Variants in DCN observed in about 807,000 individuals in gnomAD.
DCN encodes the protein bone proteoglycan II.
In DCN, 17 loss-of-function variants were observed where a neutral mutation model predicts 36.5. That is an observed-to-expected ratio of 0.47 (90% CI 0.32 to 0.70). The LOEUF is 0.70. Among genes scored for constraint, DCN ranks in the 30% least tolerant of loss-of-function variants. The probability of loss-of-function intolerance (pLI) is 0.04; values close to 1 mark genes in which losing one functional copy is unlikely to be tolerated. For missense variants in DCN, 389 were observed against 430.1 expected, an observed-to-expected ratio of 0.90 and a Z score of 0.84; for synonymous variants, 163 against 161.4, an observed-to-expected ratio of 1.01 and a Z score of -0.07.
Position 91,146,269 on chromosome 12 carries a change from T to C in DCN, c.886-17A>G, listed in dbSNP as rs762934349. The C allele has an allele frequency of 8.1e-6, 12 of 1,488,176 alleles. No individual in the cohort carries two copies. The African/African-American group carries it at 8.3e-5, about 10-fold the overall frequency. 92.2% of individuals were successfully genotyped at this position (1,488,176 alleles called of 1,614,324 possible). On this transcript the variant is annotated splice_polypyrimidine_tract_variant and intron_variant, in intron 7 of 7. Transcript: ENST00000052754. ...GTAGACAACCTACAACATGAAACGATAGAAAATAATTATTATTCTCTAAAT... is the reference window on the plus strand; with the variant it reads ...GTAGACAACCTACAACATGAAACGACAGAAAATAATTATTATTCTCTAAAT...
At chr12:91,160,208 G>GAGCCA (rs1882072847) in intron 3 of DCN, among the ~76,000 whole-genome samples, 1 of 152,128 alleles carries the variant, frequency 6.6e-6, no homozygotes, top group African/African-American at 2.4e-5. Flanking sequence ...GGAAAAGCCA[G>GAGCCA]AGCCAGCTGA....
At chr12:91,161,604 C>T (rs934680633) in intron 3 of DCN, among the ~76,000 whole-genome samples, 1 of 152,164 alleles carries the variant, frequency 6.6e-6, no homozygotes, top group African/African-American at 2.4e-5. Flanking sequence ...AGGTTCTCAT[C>T]AGCGGAAAGA....
Position 91,141,856 on chromosome 12 carries a change from G to C in DCN, c.*4202C>G, listed in dbSNP as rs1184650236. 1.3e-5 allele frequency: 2 copies of C among 152,114 alleles called. No homozygotes were observed. Among genetic ancestry groups the C allele is most frequent in the Admixed American group, 1.3e-4 (2 of 15,264 alleles). 9.4% of individuals were successfully genotyped at this position (152,114 alleles called of 1,614,324 possible). A position where few individuals can be genotyped will look rare whatever the true frequency, so the allele number is the denominator to read the frequency against. ...TTGATGGCAGTCATAATACTCAGGA[G>C]GCAACTCACCCAGTCCTTTTCTGGT... is the stretch of plus-strand genomic sequence containing the variant. On this transcript the variant is annotated 3_prime_UTR_variant, in exon 8 of 8. Coordinates refer to ENST00000052754, the MANE Select transcript of DCN (RefSeq NM_001920.5).
intron 2 of DCN, among the ~76,000 whole-genome samples, chr12:91,171,415 G>T (rs1312945627): frequency 6.6e-6 from 1 of 152,116 alleles, no homozygotes; most frequent in East Asian, 1.9e-4. Flanking sequence ...TTTCTATCCT[G>T]CATGCTCTTC....
chr12:91,148,272 A>G (rs1369499153), intron 7 of DCN, among the ~76,000 whole-genome samples: 1 of 151,788 alleles, frequency 6.6e-6, no homozygotes, highest in Non-Finnish European at 1.5e-5. Flanking sequence ...AGGGGGTTTC[A>G]CCATGTTAGC....
chr12:91,155,155 A>G (rs1881680140), intron 5 of DCN, among the ~76,000 whole-genome samples: 1 of 152,164 alleles, frequency 6.6e-6, no homozygotes, highest in African/African-American at 2.4e-5. Flanking sequence ...ATAGTTAAAC[A>G]CACGAGTTCT....
chr12:91,178,978 A>G (rs1883462559), intron 1 of DCN, among the ~76,000 whole-genome samples: 1 of 152,162 alleles, frequency 6.6e-6, no homozygotes, highest in Non-Finnish European at 1.5e-5. Flanking sequence ...TTTCTGCTTC[A>G]GAAATATCTC....
At chr12:91,167,819 A>ATGTTTTT (rs1882679353) in intron 2 of DCN, among the ~76,000 whole-genome samples, 1 of 151,996 alleles carries the variant, frequency 6.6e-6, no homozygotes, top group Non-Finnish European at 1.5e-5. Flanking sequence ...CTCCAGAACT[A>ATGTTTTT]TGTTTTTTGT....
chr12:91,163,885 T>C (rs1032509791), intron 3 of DCN, among the ~76,000 whole-genome samples: 2 of 152,248 alleles, frequency 1.3e-5, no homozygotes, highest in Non-Finnish European at 1.5e-5. Context: ...AAAATAATAC[T>C]AGGATCAATC....
In DCN at chr12:91,162,907, G is replaced by A. The variant is rs183674130; in HGVS notation, c.324+1698C>T. Among the ~76,000 whole-genome samples, 7 of 152,110 alleles carry A rather than the reference G, an allele frequency of 4.6e-5. No homozygotes were observed. In the East Asian group the frequency reaches 7.7e-4, roughly 17 times the overall value. ...TTTAGACATCCACCTCTCCATCCAC[G>A]GTGCCTATGAGACCTAATTTCCAGA... On this transcript the variant is annotated intron_variant, in intron 3 of 7. Coordinates refer to ENST00000052754, the MANE Select transcript of DCN (RefSeq NM_001920.5).
At chr12:91,176,843 C>T (rs1883322661) in intron 2 of DCN, 1 of 152,076 alleles carries the variant, frequency 6.6e-6, no homozygotes, top group Non-Finnish European at 1.5e-5. Context: ...AAAGATTATC[C>T]TGTGTATATC....
At chr12:91,175,858 G>A (rs1883256583) in intron 2 of DCN, 2 of 152,076 alleles carry the variant, frequency 1.3e-5, no homozygotes, top group Admixed American at 6.5e-5. Flanking sequence ...AATGAATGAG[G>A]TGGTGCATTT....
chr12:91,163,237 A>G (rs545410681), intron 3 of DCN, among the ~76,000 whole-genome samples: 1 of 152,360 alleles, frequency 6.6e-6, no homozygotes, highest in South Asian at 2.1e-4. Flanking sequence ...AGGTTCTCTT[A>G]GCAAGGCTTA....
At chr12:91,156,288 C>A (rs1881761212) in intron 5 of DCN, among the ~76,000 whole-genome samples, 1 of 152,062 alleles carries the variant, frequency 6.6e-6, no homozygotes, top group Non-Finnish European at 1.5e-5. Context: ...TGTTCCCTGC[C>A]CTGTCTTAAG....
intron 3 of DCN, among the ~76,000 whole-genome samples, 175 bp downstream of exon 3, chr12:91,164,427 AAAC>A (rs1882389712): frequency 6.8e-6 from 1 of 147,114 alleles, no homozygotes; most frequent in East Asian, 2.0e-4. Context: ...AGAAAAAGAA[AAAC>A]AGTGTTTGGG....
At chr12:91,155,892 T>A (rs1458295444) in intron 5 of DCN, among the ~76,000 whole-genome samples, 3 of 152,140 alleles carry the variant, frequency 2.0e-5, no homozygotes, top group Non-Finnish European at 4.4e-5. Flanking sequence ...TAAGAAAGCA[T>A]CCTATGGAAT....
chr12:91,164,688 G>A lies in DCN; in HGVS notation c.241C>T (p.Pro81Ser). 2 of 1,611,632 alleles carry A rather than the reference G, an allele frequency of 1.2e-6. No individual in the cohort carries two copies. The highest frequency in any genetic ancestry group is 1.7e-6 in the Non-Finnish European group (2 of 1,177,808). Residue 81 changes from proline to serine, a missense_variant, in exon 3 of 8, where the codon CCT becomes TCT. By Grantham distance (74) the Pro-to-Ser change is moderately conservative. Coordinates refer to ENST00000052754, the MANE Select transcript of DCN (RefSeq NM_001920.5). Reference sequence around the variant, plus strand: ...TGCAGGTCTAGCAGAGTTGTGTCAGGGGGAAGATCCTTTGGCACTTTGTCC... The same window carrying A: ...TGCAGGTCTAGCAGAGTTGTGTCAGAGGGAAGATCCTTTGGCACTTTGTCC... ...GLDKVPKDLP[P>S]DTTLLDLQNN...
Position 91,156,666 on chromosome 12 carries a change from G to A in DCN, c.652+409C>T, listed in dbSNP as rs112196053. 2.0e-5 allele frequency among the ~76,000 whole-genome samples: 3 copies of A among 150,036 alleles called. 1 individual carries two copies. Among genetic ancestry groups the A allele is most frequent in the African/African-American group, 7.3e-5 (3 of 40,942 alleles). ...CTATTGCAGACTCAAGATAAAAATTGGATCAATTTCAGAGGTACTCCCATA... is the reference window on the plus strand; with the variant it reads ...CTATTGCAGACTCAAGATAAAAATTAGATCAATTTCAGAGGTACTCCCATA... On this transcript the variant is annotated intron_variant, in intron 5 of 7. Transcript: ENST00000052754.
chr12:91,153,189 C>A lies in DCN; in HGVS notation c.653G>T (p.Gly218Val). Residue 218 changes from glycine to valine, a missense_variant and splice_region_variant, in exon 6 of 8, where the codon GGT becomes GTT. By Grantham distance (109) the Gly-to-Val change is moderately radical (BLOSUM62 -3). Coordinates refer to ENST00000052754, the MANE Select transcript of DCN (RefSeq NM_001920.5). ...TAATTCCGTAAGGGAAGGAGGAAGA[C>A]CTGGAATGTGGAATTAAAGATGTTA... is the stretch of plus-strand genomic sequence containing the variant. ...ADTNITSIPQ[G>V]LPPSLTELHL... 2 of 1,560,906 alleles carry A rather than the reference C, an allele frequency of 1.3e-6. No homozygotes were observed. Among genetic ancestry groups the A allele is most frequent in the Non-Finnish European group, 8.8e-7 (1 of 1,131,888 alleles).
Sources: allele counts gnomAD v4.1 joint callset (sites outside exome capture counted in the v4.1 genomes callset), GRCh38; gene constraint gnomAD v4.1.1; transcripts MANE v1.5; gene names NCBI Gene and HGNC (gene_info 2026-07-23, HGNC 2026-07-21).